Variants in ZC3H18 observed in about 807,000 individuals in gnomAD.
ZC3H18 encodes zinc finger CCCH domain-containing protein 18.
A neutral mutation model predicts 106.1 loss-of-function variants in ZC3H18; 8 were observed. The observed-to-expected ratio is 0.08, with a 90% confidence interval of 0.04 to 0.14. The LOEUF is 0.14. ZC3H18 is among the 10% of genes least tolerant of loss of function. ZC3H18 has a pLI of 1.00. For synonymous variants in ZC3H18, 635 were observed against 522.1 expected (o/e 1.22, Z -2.95); for missense variants, 1,318 against 1,278.4 (o/e 1.03, Z -0.47).
chr16:88,595,495 AACAAATT>A (rs1904385869), intron 3 of ZC3H18, among the ~76,000 whole-genome samples: 1 of 80,620 alleles, frequency 1.2e-5, no homozygotes, highest in Non-Finnish European at 2.5e-5. Context: ...TTTTTTTTTT[AACAAATT>A]GCTTTTTAAA....
chr16:88,588,101 G>A (rs540136115), intron 3 of ZC3H18, among the ~76,000 whole-genome samples: 5 of 152,348 alleles, frequency 3.3e-5, no homozygotes, highest in Admixed American at 2.6e-4. Flanking sequence ...TGTGCGGTAC[G>A]TTTTGGAAAA....
chr16:88,586,192 C>A (rs916989691), intron 2 of ZC3H18, among the ~76,000 whole-genome samples: 1 of 152,218 alleles, frequency 6.6e-6, no homozygotes, highest in Non-Finnish European at 1.5e-5. Context: ...AACTCCTCCC[C>A]TCCCCAAGAA....
chr16:88,603,611 G>A (rs1379503997), intron 6 of ZC3H18, among the ~76,000 whole-genome samples: 3 of 142,020 alleles, frequency 2.1e-5, no homozygotes, highest in Non-Finnish European at 3.0e-5. Context: ...GCAACAGAGC[G>A]AGACTCCGTC....
chr16:88,607,993 C>T (rs768893791), intron 6 of ZC3H18, among the ~76,000 whole-genome samples: 1 of 152,214 alleles, frequency 6.6e-6, no homozygotes, highest in Non-Finnish European at 1.5e-5. Flanking sequence ...CACTCTGCCT[C>T]CTAACTGGTT....
Position 88,628,460 on chromosome 16 carries a change from C to T in ZC3H18, c.2470-298C>T, listed in dbSNP as rs2142836734. The stretch of plus-strand genomic sequence containing the variant: ...CAGCAGGACACATCCCTGTCCTCTG[C>T]TGGAAGGGCAAGAGGCCTGGCTTCA... On this transcript the variant is annotated intron_variant, in intron 15 of 17. Coordinates refer to ENST00000301011, the MANE Select transcript of ZC3H18 (RefSeq NM_144604.4). 2.0e-5 allele frequency among the ~76,000 whole-genome samples: 3 copies of T among 152,296 alleles called. No individual in the cohort carries two copies. The Middle Eastern group carries it at 0.01, about 518-fold the overall frequency.
chr16:88,590,354 G>A (rs1035894637), intron 3 of ZC3H18, among the ~76,000 whole-genome samples: 3 of 152,134 alleles, frequency 2.0e-5, no homozygotes, highest in Non-Finnish European at 4.4e-5. Flanking sequence ...AATGCACTGG[G>A]AACACACCTT....
rs114201924 is a variant in ZC3H18 at position 88,581,939 on chromosome 16, G to A, written c.603+4213G>A. ...CACTCCATGTTCCGTGTTTATATCT[G>A]ACTTGACATTTGATTAGCAGGCCTT... On this transcript the variant is annotated intron_variant, in intron 2 of 17. Transcript: ENST00000301011. Among the ~76,000 whole-genome samples the A allele has an allele frequency of 3.7e-3, 560 of 152,332 alleles. 4 individuals are homozygous for A. Among genetic ancestry groups the A allele is most frequent in the African/African-American group, 0.013 (550 of 41,580 alleles).
At chr16:88,623,786 C>A in intron 10 of ZC3H18, 172 bp from the exon 11 acceptor site, 1 of 1,274,506 alleles carries the variant, frequency 7.8e-7, no homozygotes, top group Non-Finnish European at 1.0e-6. Flanking sequence ...CTGGTCTACT[C>A]TGGGCCTGTG....
At chr16:88,601,990 A>G (rs1212015534) in intron 6 of ZC3H18, among the ~76,000 whole-genome samples, 2 of 152,210 alleles carry the variant, frequency 1.3e-5, no homozygotes, top group Non-Finnish European at 2.9e-5. Context: ...TCCACCAGGT[A>G]GGTTGCTACA....
chr16:88,592,265 G>A (rs1394248044), intron 3 of ZC3H18, among the ~76,000 whole-genome samples: 3 of 152,192 alleles, frequency 2.0e-5, no homozygotes, highest in East Asian at 3.9e-4. Flanking sequence ...CTTTCCTGAA[G>A]ATGGGTGGTG....
At chr16:88,573,093 T>G (rs1303974878) in intron 1 of ZC3H18, among the ~76,000 whole-genome samples, 1 of 151,992 alleles carries the variant, frequency 6.6e-6, no homozygotes, top group African/African-American at 2.4e-5. Flanking sequence ...GAGGAGACAT[T>G]TAGTTTTGCA....
At chr16:88,575,283 A>G (rs1914676742) in intron 1 of ZC3H18, among the ~76,000 whole-genome samples, 5 of 152,066 alleles carry the variant, frequency 3.3e-5, no homozygotes, top group Admixed American at 2.6e-4. Flanking sequence ...TTTAGTGTGT[A>G]TGGTTATTTG....
chr16:88,588,335 G>A (rs1404634252), intron 3 of ZC3H18, among the ~76,000 whole-genome samples: 1 of 152,218 alleles, frequency 6.6e-6, no homozygotes. Context: ...TGACTGGGAA[G>A]CTTGACCGGC....
chr16:88,611,402 G>A lies in ZC3H18; in HGVS notation c.1341G>A (p.Gln447=). The change falls in exon 8 of 18, where the codon CAG becomes CAA. Residue 447 remains glutamine, a synonymous_variant. Coordinates refer to ENST00000301011, the MANE Select transcript of ZC3H18 (RefSeq NM_144604.4). Reference sequence around the variant, plus strand: ...AGCGCGAGCGCGACAAGGAGCGGCAGCGGAGGAAGGAGGAGTGGGAGCGTG... The same window carrying A: ...AGCGCGAGCGCGACAAGGAGCGGCAACGGAGGAAGGAGGAGTGGGAGCGTG... ...ERERERDKER[Q]RRKEEWERER... 1 of 1,253,776 alleles carries A rather than the reference G, an allele frequency of 8.0e-7. No individual in the cohort carries two copies. Among genetic ancestry groups the A allele is most frequent in the Non-Finnish European group, 1.1e-6 (1 of 875,034 alleles). 77.7% of individuals were successfully genotyped at this position (1,253,776 alleles called of 1,614,324 possible).
intron 3 of ZC3H18, among the ~76,000 whole-genome samples, chr16:88,597,971 C>G (rs1175248356): frequency 6.6e-6 from 1 of 152,238 alleles, no homozygotes; most frequent in Admixed American, 6.5e-5. Flanking sequence ...CTCTGGGGAA[C>G]TGCCGTGCCT....
intron 1 of ZC3H18, chr16:88,571,754 C>A (rs1297232059): frequency 1.1e-6 from 1 of 894,584 alleles, no homozygotes; most frequent in East Asian, 1.2e-4. Flanking sequence ...GTGAGTACCT[C>A]TTTATCAAGG....
chr16:88,575,393 G>A (rs999181050), intron 1 of ZC3H18, among the ~76,000 whole-genome samples: 1 of 152,020 alleles, frequency 6.6e-6, no homozygotes, highest in African/African-American at 2.4e-5. Context: ...ATGCCGAGCA[G>A]TGTGACCGTG....
chr16:88,585,260 C>T (rs1915369052), intron 2 of ZC3H18, among the ~76,000 whole-genome samples: 1 of 152,168 alleles, frequency 6.6e-6, no homozygotes, highest in Non-Finnish European at 1.5e-5. Context: ...TTTTAATAAC[C>T]AGATATCTTT....
rs1489465293 is a variant in ZC3H18 at position 88,630,747 on chromosome 16, C to CT, written c.2663+166_2663+167insT. Among the ~76,000 whole-genome samples the CT allele has an allele frequency of 6.6e-4, 58 of 87,468 alleles. 1 individual carries two copies. The highest frequency in any genetic ancestry group is 1.9e-3 in the African/African-American group (44 of 22,860). 57.4% of individuals were successfully genotyped at this position (87,468 alleles called of 152,430 possible). A position where few individuals can be genotyped will look rare whatever the true frequency, so the allele number is the denominator to read the frequency against. On this transcript the variant is annotated intron_variant, in intron 17 of 17. Coordinates refer to ENST00000301011, the MANE Select transcript of ZC3H18 (RefSeq NM_144604.4). ...GGGGCATGGACAGCGAATTGCAGCCCCACCCCCCACCCCCCCCCACACACA... is the reference window on the plus strand; with the variant it reads ...GGGGCATGGACAGCGAATTGCAGCCCTCACCCCCCACCCCCCCCCACACACA...
Sources: gnomAD v4.1 joint callset for allele counts (sites outside exome capture counted in the v4.1 genomes callset) on GRCh38, gnomAD v4.1.1 for gene constraint, MANE v1.5 for transcripts, NCBI Gene and HGNC (gene_info 2026-07-23, HGNC 2026-07-21) for gene names.